Variants in TENT4B observed in about 807,000 individuals in gnomAD.
The protein encoded by TENT4B is terminal nucleotidyltransferase 4B.
Under a neutral mutation model 75.0 loss-of-function variants are expected in TENT4B, and 10 were observed. The ratio of observed to expected loss-of-function variants is 0.13; its 90% CI spans 0.08 to 0.23. The LOEUF (loss-of-function observed/expected upper bound fraction) is 0.23. TENT4B is among the 10% of genes least tolerant of loss of function. The pLI is 1.00. For synonymous variants in TENT4B, 350 were observed against 357.7 expected, an observed-to-expected ratio of 0.98 and a Z score of 0.24; for missense variants, 579 against 893.8, an observed-to-expected ratio of 0.65 and a Z score of 4.49.
At chr16:50,174,830 G>A (rs990911784) in intron 1 of TENT4B, among the ~76,000 whole-genome samples, 12 of 138,410 alleles carry the variant, frequency 8.7e-5, no homozygotes, top group African/African-American at 3.0e-4. Flanking sequence ...TGCAGCTTCC[G>A]CCTCCCAGGT....
At chr16:50,176,703 C>T (rs770874607) in intron 1 of TENT4B, among the ~76,000 whole-genome samples, 21 of 151,494 alleles carry the variant, frequency 1.4e-4, no homozygotes, top group Non-Finnish European at 2.4e-4. Flanking sequence ...GATGGGGTTT[C>T]ACCATATTGG....
Position 50,204,844 on chromosome 16 carries a change from A to G in TENT4B, c.639-6479A>G, listed in dbSNP as rs1338371322. On this transcript the variant is annotated intron_variant, in intron 1 of 11. Coordinates refer to ENST00000561678, the MANE Select transcript of TENT4B (RefSeq NM_001365324.3). ...ACACTAGCAGAAACTCACCACACAC[A>G]CTGCACTGGGCATGCAGAAACTTTG... Among the ~76,000 whole-genome samples, 4 of 138,858 alleles carry G rather than the reference A, an allele frequency of 2.9e-5. No individual in the cohort carries two copies. The East Asian group carries it at 8.7e-4, about 30-fold the overall frequency. 91.1% of individuals were successfully genotyped at this position (138,858 alleles called of 152,430 possible).
intron 1 of TENT4B, among the ~76,000 whole-genome samples, chr16:50,176,352 T>G (rs1011429708): frequency 3.3e-5 from 5 of 151,994 alleles, no homozygotes; most frequent in Non-Finnish European, 5.9e-5. Flanking sequence ...CCCAAAGTGC[T>G]GCGATTACAG....
chr16:50,154,990 C>T (rs1288154602), intron 1 of TENT4B, among the ~76,000 whole-genome samples: 1 of 152,070 alleles, frequency 6.6e-6, no homozygotes, highest in Non-Finnish European at 1.5e-5. Context: ...GTTCATGGTC[C>T]GCGGCTCCAG....
Position 50,229,188 on chromosome 16 carries a change from G to A in TENT4B, c.2002G>A (p.Gly668Ser). 1 of 1,613,700 alleles carries A rather than the reference G, an allele frequency of 6.2e-7. No homozygotes were observed. Among genetic ancestry groups the A allele is most frequent in the African/African-American group, 1.3e-5 (1 of 75,004 alleles). ...SARLFRSSSK[G>S]FQGTTQTSHG... ...AAGGCTCTTTCGTTCTTCCAGCAAA[G>A]GCTTCCAAGGTACAACTCAAACAAG... The change falls in exon 12 of 12, where the codon GGC becomes AGC. Residue 668 changes from glycine (G) to serine (S), a missense_variant. By Grantham distance (56) the Gly-to-Ser change is moderately conservative (BLOSUM62 0). This residue lies in a region of TENT4B where 164 missense variants were observed against 226.5 expected (regional missense o/e 0.72). Transcript: ENST00000561678.
Position 50,215,239 on chromosome 16 carries a change from A to G in TENT4B, c.810-836A>G, listed in dbSNP as rs150163522. On this transcript the variant is annotated intron_variant, in intron 3 of 11. Coordinates refer to ENST00000561678, the MANE Select transcript of TENT4B (RefSeq NM_001365324.3). ...ATTATTATTATTACCTTAAATTTTA[A>G]TCTCTCCAGAATAAAGTCAGCATCA... 4.4e-3 allele frequency among the ~76,000 whole-genome samples: 673 copies of G among 152,240 alleles called. 5 individuals are homozygous for G. The highest frequency in any genetic ancestry group is 0.016 in the African/African-American group (645 of 41,522).
intron 1 of TENT4B, among the ~76,000 whole-genome samples, chr16:50,204,551 G>A (rs1016678748): frequency 1.3e-5 from 2 of 152,168 alleles, no homozygotes; most frequent in Non-Finnish European, 2.9e-5. Flanking sequence ...GAGGCTGGAT[G>A]TGTGCATGAG....
chr16:50,169,821 C>G (rs1321289118), intron 1 of TENT4B, among the ~76,000 whole-genome samples: 1 of 152,166 alleles, frequency 6.6e-6, no homozygotes, highest in African/African-American at 2.4e-5. Context: ...GTAGTGAACT[C>G]TACTGGGCTT....
intron 1 of TENT4B, among the ~76,000 whole-genome samples, chr16:50,175,047 A>G (rs754371928): frequency 6.7e-6 from 1 of 150,284 alleles, no homozygotes; most frequent in Non-Finnish European, 1.5e-5. Flanking sequence ...GGCCCCTCTT[A>G]CTCTTTTCTT....
At chr16:50,161,827 A>G (rs1455735848) in intron 1 of TENT4B, among the ~76,000 whole-genome samples, 2 of 152,110 alleles carry the variant, frequency 1.3e-5, no homozygotes, top group Non-Finnish European at 2.9e-5. Flanking sequence ...CACCAGTTTC[A>G]CATGTATTTG....
chr16:50,227,695 A>G, intron 10 of TENT4B, 144 bp from the exon 11 acceptor site: 1 of 850,564 alleles, frequency 1.2e-6, no homozygotes, highest in Non-Finnish European at 1.8e-6. Flanking sequence ...TTAAACAAAC[A>G]GTTAATTTTT....
At chr16:50,178,665 G>T (rs2038355076) in intron 1 of TENT4B, among the ~76,000 whole-genome samples, 1 of 152,098 alleles carries the variant, frequency 6.6e-6, no homozygotes, top group Non-Finnish European at 1.5e-5. Context: ...ATGGATGAAC[G>T]TTCAGATCAT....
chr16:50,192,276 T>C (rs556467674), intron 1 of TENT4B, among the ~76,000 whole-genome samples: 2 of 152,044 alleles, frequency 1.3e-5, no homozygotes, highest in Non-Finnish European at 2.9e-5. Flanking sequence ...TCTTTTTTCT[T>C]CCTATACAAC....
At chr16:50,187,325 G>A (rs2038548165) in intron 1 of TENT4B, among the ~76,000 whole-genome samples, 1 of 152,240 alleles carries the variant, frequency 6.6e-6, no homozygotes, top group African/African-American at 2.4e-5. Context: ...GCTCACGCCT[G>A]TAATCCCACT....
intron 1 of TENT4B, among the ~76,000 whole-genome samples, chr16:50,201,485 C>G (rs553146895): frequency 6.6e-6 from 1 of 151,316 alleles, no homozygotes; most frequent in Non-Finnish European, 1.5e-5. Context: ...TGCAGTGAGC[C>G]GAGATCGCGC....
rs1376667401 is a variant in TENT4B at position 50,234,575 on chromosome 16, C to A, written c.*5247C>A. 1.0e-6 allele frequency: 1 copy of A among 982,562 alleles called. No individual in the cohort carries two copies. The highest frequency in any genetic ancestry group is 1.2e-6 in the Non-Finnish European group (1 of 827,474). The allele number at this position is 982,562 out of a possible 1,614,324, so 60.9% of individuals were successfully genotyped here. A position where few individuals can be genotyped will look rare whatever the true frequency, so the allele number is the denominator to read the frequency against. On this transcript the variant is annotated 3_prime_UTR_variant, in exon 12 of 12. Coordinates refer to ENST00000561678, the MANE Select transcript of TENT4B (RefSeq NM_001365324.3). ...TATAATATGTTGTTTTGTCCCTGAA[C>A]TTAATCTCCTAATTTTAAGATCCTC...
chr16:50,209,235 C>G (rs1484632340), intron 1 of TENT4B, among the ~76,000 whole-genome samples: 1 of 152,182 alleles, frequency 6.6e-6, no homozygotes, highest in Non-Finnish European at 1.5e-5. Context: ...ACTCCGATCA[C>G]TCACAGCAGA....
At chr16:50,197,491 G>A (rs1184560513) in intron 1 of TENT4B, among the ~76,000 whole-genome samples, 1 of 152,200 alleles carries the variant, frequency 6.6e-6, no homozygotes, top group Non-Finnish European at 1.5e-5. Context: ...GTTTTGCCAT[G>A]TTGCCCAGTC....
At chr16:50,192,718 T>C (rs1261383212) in intron 1 of TENT4B, among the ~76,000 whole-genome samples, 1 of 152,192 alleles carries the variant, frequency 6.6e-6, no homozygotes. Flanking sequence ...CTGTGTACAC[T>C]GTAATTTGAA....
Sources: gnomAD v4.1 joint callset for allele counts (sites outside exome capture counted in the v4.1 genomes callset) on GRCh38, gnomAD v4.1.1 for gene constraint, gnomAD v4.1.1 regional missense constraint, MANE v1.5 for transcripts, NCBI Gene and HGNC (gene_info 2026-07-23, HGNC 2026-07-21) for gene names.